The following GBE1 variants were observed in gnomAD, a reference collection of about 807,000 sequenced individuals.
GBE1 encodes the protein 1,4-alpha-glucan-branching enzyme.
In GBE1, 70 loss-of-function variants were observed where a neutral mutation model predicts 88.8. That is an observed-to-expected ratio of 0.79 (90% CI 0.65 to 0.96). The LOEUF is 0.96. Ranked by LOEUF, GBE1 falls within the 40% of genes least tolerant of loss-of-function variation. The pLI is 0.00. For missense variants in GBE1, 872 were observed against 871.0 expected (o/e 1.00, Z -0.01); for synonymous variants, 284 against 300.1 (o/e 0.95, Z 0.56).
At chr3:81,499,544 G>T (rs1702558467) in intron 14 of GBE1, among the ~76,000 whole-genome samples, 1 of 152,024 alleles carries the variant, frequency 6.6e-6, no homozygotes. Context: ...ATATTGAATA[G>T]AAATTTTGCT....
At chr3:81,742,841 A>G (rs902552682) in intron 1 of GBE1, among the ~76,000 whole-genome samples, 2 of 151,794 alleles carry the variant, frequency 1.3e-5, no homozygotes, top group African/African-American at 4.8e-5. Context: ...GTAGTATTAG[A>G]CACGAGAAAG....
At chr3:81,561,160 GTA>G (rs1271994005) in intron 12 of GBE1, among the ~76,000 whole-genome samples, 3 of 151,892 alleles carry the variant, frequency 2.0e-5, no homozygotes, top group Non-Finnish European at 2.9e-5. Flanking sequence ...AGATGATAAC[GTA>G]TAAAGTGTTA....
chr3:81,502,850 A>T (rs1437336627), intron 14 of GBE1, among the ~76,000 whole-genome samples: 2 of 152,178 alleles, frequency 1.3e-5, no homozygotes, highest in Admixed American at 6.6e-5. Flanking sequence ...TATCTCTGAA[A>T]ATATGACTCA....
At chr3:81,614,180 C>T (rs2106998522) in intron 7 of GBE1, among the ~76,000 whole-genome samples, 1 of 152,222 alleles carries the variant, frequency 6.6e-6, no homozygotes, top group East Asian at 1.9e-4. Context: ...ACTCTTGCTT[C>T]ACAATTACTT....
At position 81,744,579 on chromosome 3, in the gene GBE1, C is replaced by A. The variant is rs928226349; in HGVS notation, c.143+16796G>T. ...AGCCACTTAGCTTACTCAGGAATTG[C>A]CTCATTCCCATTAAAAACAGCCCAC... On this transcript the variant is annotated intron_variant, in intron 1 of 15. Transcript: ENST00000429644. 5.3e-5 allele frequency among the ~76,000 whole-genome samples: 8 copies of A among 152,236 alleles called. No individual in the cohort carries two copies. The East Asian group carries it at 1.4e-3, about 26-fold the overall frequency.
chr3:81,753,138 T>C (rs1296567475), intron 1 of GBE1, among the ~76,000 whole-genome samples: 1 of 152,204 alleles, frequency 6.6e-6, no homozygotes, highest in African/African-American at 2.4e-5. Context: ...AATCAATGAA[T>C]GTAAGATGTA....
At chr3:81,574,940 G>A (rs1265981855) in intron 12 of GBE1, among the ~76,000 whole-genome samples, 4 of 152,082 alleles carry the variant, frequency 2.6e-5, no homozygotes, top group Admixed American at 1.3e-4. Context: ...CGAGGCAGGC[G>A]AATCACGAGG....
intron 3 of GBE1, among the ~76,000 whole-genome samples, chr3:81,666,785 T>C (rs918167967): frequency 1.3e-5 from 2 of 152,090 alleles, no homozygotes; most frequent in Non-Finnish European, 2.9e-5. Context: ...ATCTAGAAAA[T>C]AATTTTAAGG....
chr3:81,618,443 T>C (rs1233919743), intron 7 of GBE1, among the ~76,000 whole-genome samples: 1 of 152,082 alleles, frequency 6.6e-6, no homozygotes, highest in African/African-American at 2.4e-5. Flanking sequence ...TGTAGAGAAG[T>C]GATCCCTAGT....
chr3:81,613,277 C>T (rs183715494), intron 7 of GBE1, among the ~76,000 whole-genome samples: 13 of 151,918 alleles, frequency 8.6e-5, no homozygotes, highest in South Asian at 4.2e-4. Context: ...AGTCTCTACC[C>T]CTTTCTGTTC....
At chr3:81,741,782 T>G (rs1242860544) in intron 1 of GBE1, among the ~76,000 whole-genome samples, 1 of 148,632 alleles carries the variant, frequency 6.7e-6, no homozygotes, top group Non-Finnish European at 1.5e-5. Flanking sequence ...ACACTCTACA[T>G]AATATATAGA....
intron 2 of GBE1, among the ~76,000 whole-genome samples, chr3:81,682,547 CA>C (rs1705365434): frequency 6.6e-6 from 1 of 152,004 alleles, no homozygotes; most frequent in Non-Finnish European, 1.5e-5. Flanking sequence ...AATACAAATA[CA>C]AATCAAAACC....
chr3:81,594,432 A>G (rs9877327), intron 7 of GBE1, among the ~76,000 whole-genome samples: 76,758 of 151,850 alleles, frequency 0.51, 19,678 homozygotes, highest in African/African-American at 0.59. Context: ...TTTTCATGTA[A>G]TATAACCATA....
Position 81,735,716 on chromosome 3 carries a change from A to C in GBE1, c.143+25659T>G, listed in dbSNP as rs2107209943. Among the ~76,000 whole-genome samples, 2 of 152,272 alleles carry C rather than the reference A, an allele frequency of 1.3e-5. 1 individual carries two copies. Among genetic ancestry groups the C allele is most frequent in the Middle Eastern group, 6.8e-3 (2 of 294 alleles). ...CAAGTCCCTTTAGGAAAGCCTTGGA[A>C]GATTTAAAGTGTACATTTGTGGTAG... On this transcript the variant is annotated intron_variant, in intron 1 of 15. Transcript: ENST00000429644.
chr3:81,665,392 C>T (rs1184295632), intron 3 of GBE1, among the ~76,000 whole-genome samples: 2 of 151,928 alleles, frequency 1.3e-5, no homozygotes, highest in Non-Finnish European at 2.9e-5. Context: ...AAAAATTAGC[C>T]GGGCGTGGTG....
At chr3:81,612,046 G>A (rs1704188552) in intron 7 of GBE1, among the ~76,000 whole-genome samples, 1 of 151,966 alleles carries the variant, frequency 6.6e-6, no homozygotes, top group Non-Finnish European at 1.5e-5. Flanking sequence ...GCATTAATCA[G>A]TACTAACTTA....
chr3:81,678,042 GAT>G (rs577922336), intron 2 of GBE1, among the ~76,000 whole-genome samples: 24 of 152,218 alleles, frequency 1.6e-4, no homozygotes, highest in Non-Finnish European at 2.9e-4. Context: ...TAAAAATGGG[GAT>G]ACATTCTGAG....
At chr3:81,591,990 G>A (rs925635707) in intron 8 of GBE1, among the ~76,000 whole-genome samples, 6 of 151,946 alleles carry the variant, frequency 3.9e-5, no homozygotes, top group East Asian at 1.9e-4. Context: ...TGATGCTGTC[G>A]TTCTTTAATT....
chr3:81,734,369 C>G (rs999438821), intron 1 of GBE1, among the ~76,000 whole-genome samples: 6 of 152,096 alleles, frequency 3.9e-5, no homozygotes, highest in East Asian at 1.9e-4. Flanking sequence ...AAATTACTAT[C>G]AAGTTCTTTG....
Sources: allele counts gnomAD v4.1 joint callset (sites outside exome capture counted in the v4.1 genomes callset), GRCh38; gene constraint gnomAD v4.1.1; transcripts MANE v1.5; gene names NCBI Gene and HGNC (gene_info 2026-07-23, HGNC 2026-07-21).